DLC1: variants seen among roughly 807,000 people sequenced by gnomAD.
The protein encoded by DLC1 is DLC1 Rho GTPase activating protein, also known as rho GTPase-activating protein 7.
In DLC1, 54 loss-of-function variants were observed where a neutral mutation model predicts 140.3. The observed-to-expected ratio is 0.38, with a 90% CI of 0.31 to 0.48. The LOEUF is 0.48. Ranked by LOEUF, DLC1 falls within the 20% of genes least tolerant of loss-of-function variation. The probability of loss-of-function intolerance (pLI) is 0.96; values close to 1 mark genes in which losing one functional copy is unlikely to be tolerated. For synonymous variants in DLC1, 986 were observed against 728.1 expected, an observed-to-expected ratio of 1.35 and a Z score of -5.70; for missense variants, 2,536 against 1,907.0, an observed-to-expected ratio of 1.33 and a Z score of -6.14.
intron 5 of DLC1, among the ~76,000 whole-genome samples, chr8:13,185,218 CT>C (rs1826287355): frequency 7.0e-6 from 1 of 142,260 alleles, no homozygotes; most frequent in Non-Finnish European, 1.5e-5. Flanking sequence ...CGAGATGGGT[CT>C]CCTGAATATA....
intron 5 of DLC1, among the ~76,000 whole-genome samples, chr8:13,169,127 G>C (rs1825293584): frequency 6.6e-6 from 1 of 152,152 alleles, no homozygotes; most frequent in Admixed American, 6.5e-5. Context: ...TTGGAAATTT[G>C]GGGGCTTTAC....
intron 5 of DLC1, among the ~76,000 whole-genome samples, chr8:13,162,999 G>C (rs1824834682): frequency 6.6e-6 from 1 of 152,122 alleles, no homozygotes; most frequent in African/African-American, 2.4e-5. Flanking sequence ...TAAAGTCATT[G>C]CCATTGTCTG....
chr8:13,260,835 A>C (rs1327708194), intron 5 of DLC1, among the ~76,000 whole-genome samples: 1 of 152,214 alleles, frequency 6.6e-6, no homozygotes, highest in Non-Finnish European at 1.5e-5. Context: ...ATTTTGATTG[A>C]TTCAGAAAAA....
chr8:13,169,796 G>A (rs1191196919), intron 5 of DLC1, among the ~76,000 whole-genome samples: 1 of 152,110 alleles, frequency 6.6e-6, no homozygotes, highest in Non-Finnish European at 1.5e-5. Flanking sequence ...GGCCAAGGTG[G>A]GGGGGTTGTT....
intron 4 of DLC1, among the ~76,000 whole-genome samples, chr8:13,374,792 G>A (rs1372776641): frequency 6.6e-6 from 1 of 152,080 alleles, no homozygotes; most frequent in Non-Finnish European, 1.5e-5. Flanking sequence ...GGGCAGTATG[G>A]CCATTTTCAC....
chr8:13,269,701 CAAAAAA>C (rs57030004), intron 5 of DLC1, among the ~76,000 whole-genome samples: 2 of 99,474 alleles, frequency 2.0e-5, no homozygotes, highest in South Asian at 3.6e-4. Flanking sequence ...AAAACTCTGT[CAAAAAA>C]AAAAAAAAAA....
intron 4 of DLC1, among the ~76,000 whole-genome samples, chr8:13,347,305 T>A (rs559231861): frequency 6.6e-6 from 1 of 152,310 alleles, no homozygotes; most frequent in African/African-American, 2.4e-5. Context: ...CAAAACCACA[T>A]TCAGTAATAA....
chr8:13,505,089 G>A (rs1048267831), intron 1 of DLC1, among the ~76,000 whole-genome samples: 16 of 152,082 alleles, frequency 1.1e-4, no homozygotes, highest in East Asian at 3.9e-4. Flanking sequence ...GAACACTAGG[G>A]ATATCAATTA....
chr8:13,268,232 A>G (rs1178011126), intron 5 of DLC1, among the ~76,000 whole-genome samples: 1 of 152,238 alleles, frequency 6.6e-6, no homozygotes, highest in South Asian at 2.1e-4. Flanking sequence ...TAAAAATACA[A>G]CCTTATAGCA....
At chr8:13,598,398 C>G (rs182759637) in intron 1 of DLC1, among the ~76,000 whole-genome samples, 3 of 152,060 alleles carry the variant, frequency 2.0e-5, no homozygotes, top group Admixed American at 2.0e-4. Context: ...AAAGCTGAGG[C>G]TTTGTCAGTT....
chr8:13,396,945 C>T (rs60049053), intron 3 of DLC1, among the ~76,000 whole-genome samples: 2,257 of 152,160 alleles, frequency 0.015, 54 homozygotes, highest in African/African-American at 0.051. Flanking sequence ...TACCCGCCCC[C>T]CCCAACCCAA....
intron 5 of DLC1, among the ~76,000 whole-genome samples, chr8:13,177,535 G>GATGT (rs1341139213): frequency 6.6e-6 from 1 of 152,176 alleles, no homozygotes; most frequent in African/African-American, 2.4e-5. Context: ...CTGCGTAAGA[G>GATGT]ATGTGGTAAT....
chr8:13,349,587 C>T (rs1435661036), intron 4 of DLC1, among the ~76,000 whole-genome samples: 4 of 152,176 alleles, frequency 2.6e-5, no homozygotes, highest in Non-Finnish European at 5.9e-5. Flanking sequence ...AGCCCCACTT[C>T]AACACAAGCA....
At chr8:13,369,305 A>G (rs748087616) in intron 4 of DLC1, among the ~76,000 whole-genome samples, 1 of 145,352 alleles carries the variant, frequency 6.9e-6, no homozygotes, top group Non-Finnish European at 1.5e-5. Context: ...TATTTAACCT[A>G]TTGATACCTC....
At chr8:13,403,575 T>A (rs1260644610) in intron 2 of DLC1, among the ~76,000 whole-genome samples, 1 of 152,186 alleles carries the variant, frequency 6.6e-6, no homozygotes, top group East Asian at 1.9e-4. Flanking sequence ...TGTCAAGATA[T>A]AAGCAAAGGA....
chr8:13,462,470 C>G (rs1799715575), intron 2 of DLC1, among the ~76,000 whole-genome samples: 1 of 148,180 alleles, frequency 6.7e-6, no homozygotes, highest in Admixed American at 6.8e-5. Flanking sequence ...GTGGCGCGAT[C>G]TTGGCTCACT....
chr8:13,566,199 G>A (rs904792075), intron 1 of DLC1, among the ~76,000 whole-genome samples: 2 of 152,134 alleles, frequency 1.3e-5, no homozygotes, highest in African/African-American at 4.8e-5. Flanking sequence ...GCAGGGGTGG[G>A]TATTAAGCCC....
At position 13,499,969 on chromosome 8, in the gene DLC1, G is replaced by A; in HGVS notation, c.103C>T (p.Leu35=). Residue 35 remains leucine, a synonymous_variant, in exon 2 of 18, where the codon CTA becomes TTA. Coordinates refer to ENST00000276297, the MANE Select transcript of DLC1 (RefSeq NM_182643.3). ...DDRNTACHHG[L]VADSLQASME... ...CTTGCCTGCAAGCTGTCAGCTACTA[G>A]TCCATGATGACATGCTGTGTTACGA... The A allele has an allele frequency of 1.2e-6, 2 of 1,614,038 alleles. No individual in the cohort carries two copies. Among genetic ancestry groups the A allele is most frequent in the East Asian group, 2.2e-5 (1 of 44,874 alleles).
At chr8:13,313,784 C>T (rs750281546) in intron 4 of DLC1, among the ~76,000 whole-genome samples, 1 of 152,044 alleles carries the variant, frequency 6.6e-6, no homozygotes, top group Non-Finnish European at 1.5e-5. Flanking sequence ...TTTTGAAAAA[C>T]ATTTTTGTTT....
Sources: gnomAD v4.1 joint callset for allele counts (sites outside exome capture counted in the v4.1 genomes callset) on GRCh38, gnomAD v4.1.1 for gene constraint, MANE v1.5 for transcripts, NCBI Gene and HGNC (gene_info 2026-07-23, HGNC 2026-07-21) for gene names.